Variants in RRM2 observed in about 807,000 individuals in gnomAD.
RRM2 encodes ribonucleotide reductase regulatory subunit M2.
A neutral mutation model predicts 45.9 loss-of-function variants in RRM2; 6 were observed. That is an observed-to-expected ratio of 0.13 (90% CI 0.07 to 0.26). RRM2 has a LOEUF of 0.26. Ranked by LOEUF, RRM2 falls within the 10% of genes least tolerant of loss-of-function variation. The probability of loss-of-function intolerance (pLI) is 1.00; values close to 1 mark genes in which losing one functional copy is unlikely to be tolerated. For missense variants in RRM2, 343 were observed against 489.5 expected, an observed-to-expected ratio of 0.70 and a Z score of 2.82; for synonymous variants, 177 against 173.0, an observed-to-expected ratio of 1.02 and a Z score of -0.18.
intron 3 of RRM2, among the ~76,000 whole-genome samples, chr2:10,197,987 T>C (rs887279993): frequency 6.6e-5 from 10 of 152,138 alleles, no homozygotes; most frequent in Admixed American, 6.5e-4. Flanking sequence ...TTTCCCTCCC[T>C]ACAAGCACGC....
intron 3 of RRM2, among the ~76,000 whole-genome samples, chr2:10,181,839 A>G (rs966563649): frequency 1.5e-5 from 2 of 136,414 alleles, no homozygotes; most frequent in South Asian, 4.6e-4. Context: ...ATCATGGCTC[A>G]CTGCAGCCTT....
At chr2:10,177,696 T>TCCC (rs1459466652) in intron 3 of RRM2, among the ~76,000 whole-genome samples, 4 of 149,702 alleles carry the variant, frequency 2.7e-5, no homozygotes, top group African/African-American at 7.6e-5. Context: ...CCTTCCTTCC[T>TCCC]TCCTTCCTTC....
rs1664634856 is a variant in RRM2, at chr2:10,204,878, G to A, written n.483-5433G>A. Among the ~76,000 whole-genome samples the A allele has an allele frequency of 1.3e-5, 2 of 152,170 alleles. No homozygotes were observed. Among genetic ancestry groups the A allele is most frequent in the South Asian group, 2.1e-4 (1 of 4,828 alleles). On this transcript the variant is annotated intron_variant and non_coding_transcript_variant, in intron 3 of 3. Transcript: ENST00000381786. The surrounding 1 kb of genome is among the most constrained non-coding windows in gnomAD (Gnocchi z 4.0). Reference sequence around the variant, plus strand: ...TCGTCATGTGCCACTAACAGGCGTCGCCAAGACCAGCCAGGTGCAGACCTT... The same window carrying A: ...TCGTCATGTGCCACTAACAGGCGTCACCAAGACCAGCCAGGTGCAGACCTT...
chr2:10,126,119 GCTGCACTCTAGC>G (rs1558380294), intron 5 of RRM2, among the ~76,000 whole-genome samples: 1 of 139,824 alleles, frequency 7.2e-6, no homozygotes, highest in African/African-American at 2.7e-5. Flanking sequence ...TGATCATCTC[GCTGCACTCTAGC>G]CTGGGCAACA....
rs113268856 is a variant in RRM2 at position 10,163,810 on chromosome 2, C to T, written n.482+21435C>T. ...ATTTTAATTTGAGCACCTCATTGGGCTTCCAAGTCAGAGTAGTGGAAGTGC... is the reference window on the plus strand; with the variant it reads ...ATTTTAATTTGAGCACCTCATTGGGTTTCCAAGTCAGAGTAGTGGAAGTGC... On this transcript the variant is annotated intron_variant and non_coding_transcript_variant, in intron 3 of 3. Transcript: ENST00000381786. Among the ~76,000 whole-genome samples, 1,511 of 152,346 alleles carry T rather than the reference C, an allele frequency of 9.9e-3. 33 individuals are homozygous for T. The highest frequency in any genetic ancestry group is 0.035 in the African/African-American group (1,450 of 41,584).
intron 2 of RRM2, chr2:10,142,017 C>G (rs1663094483): frequency 6.3e-7 from 1 of 1,578,644 alleles, no homozygotes; most frequent in African/African-American, 1.4e-5. Context: ...CGGGCTATGC[C>G]CCTTGCTCTT....
chr2:10,149,129 AT>A (rs771941572), intron 3 of RRM2, among the ~76,000 whole-genome samples: 3,977 of 122,374 alleles, frequency 0.032, 173 homozygotes, highest in African/African-American at 0.11. Context: ...TGCTGTATTC[AT>A]TTTTTTTTTT....
At chr2:10,190,142 G>A (rs1041484148) in intron 3 of RRM2, among the ~76,000 whole-genome samples, 1 of 150,780 alleles carries the variant, frequency 6.6e-6, no homozygotes, top group Admixed American at 6.6e-5. Context: ...TGGTGATGGT[G>A]GTGATGGTGG....
At chr2:10,139,524 G>A (rs1268586072), upstream of RRM2, among the ~76,000 whole-genome samples, 1 of 152,170 alleles carries the variant, frequency 6.6e-6, no homozygotes, top group East Asian at 1.9e-4. Flanking sequence ...CTAGAAGTGG[G>A]GGTGTCAAAG....
downstream of RRM2, among the ~76,000 whole-genome samples, chr2:10,134,418 G>A (rs1311124644): frequency 6.6e-6 from 1 of 152,170 alleles, no homozygotes; most frequent in African/African-American, 2.4e-5. Flanking sequence ...AGGGGCCCCA[G>A]TGACACGGGA....
Position 10,128,905 on chromosome 2 carries a change from G to A in RRM2, c.856G>A (p.Glu286Lys). 1 of 1,614,156 alleles carries A rather than the reference G, an allele frequency of 6.2e-7. No homozygotes were observed. The highest frequency in any genetic ancestry group is 8.5e-7 in the Non-Finnish European group (1 of 1,180,004). The change falls in exon 8 of 10, where the codon GAG becomes AAG. Residue 286 changes from glutamate to lysine, a missense_variant. Glu to Lys is a moderately conservative substitution (Grantham distance 56, BLOSUM62 1). Transcript: ENST00000304567. ...CAAACACCTGGTACACAAACCATCG[G>A]AGGAGAGAGTAAGAGAAATAATTAT... ...MFKHLVHKPS[E>K]ERVREIIINA...
At chr2:10,156,873 G>A (rs1203561795) in intron 3 of RRM2, among the ~76,000 whole-genome samples, 1 of 152,034 alleles carries the variant, frequency 6.6e-6, no homozygotes, top group African/African-American at 2.4e-5. Flanking sequence ...AACCAGGCTC[G>A]AGTGATCCTT....
At chr2:10,157,870 G>A (rs1663466661) in intron 3 of RRM2, among the ~76,000 whole-genome samples, 2 of 152,210 alleles carry the variant, frequency 1.3e-5, no homozygotes, top group Non-Finnish European at 2.9e-5. Context: ...ACGTATTTTA[G>A]TGAGAACCTT....
chr2:10,204,857 C>T lies in RRM2; in HGVS notation n.483-5454C>T, dbSNP rs1664634320. ...GTCCTGATGTGGTCAGAGATGTCGT[C>T]ATGTGCCACTAACAGGCGTCGCCAA... On this transcript the variant is annotated intron_variant and non_coding_transcript_variant, in intron 3 of 3. Transcript: ENST00000381786. This position sits in a 1 kb window ranked among gnomAD's most constrained non-coding sequence, Gnocchi z 4.0. 6.6e-6 allele frequency among the ~76,000 whole-genome samples: 1 copy of T among 152,200 alleles called. No homozygotes were observed. The highest frequency in any genetic ancestry group is 6.5e-5 in the Admixed American group (1 of 15,286).
chr2:10,173,479 C>T lies in RRM2; in HGVS notation n.482+31104C>T, dbSNP rs547665972. ...AGGGATGACCCAGTTCCAGCACCCC[C>T]GCAAACCTCCGTCTGTCCCCCTACC... On this transcript the variant is annotated intron_variant and non_coding_transcript_variant, in intron 3 of 3. Transcript: ENST00000381786. Among the ~76,000 whole-genome samples, 17 of 152,266 alleles carry T rather than the reference C, an allele frequency of 1.1e-4. 1 individual carries two copies. The highest frequency in any genetic ancestry group is 3.6e-4 in the African/African-American group (15 of 41,560).
chr2:10,161,310 C>T (rs957309379), intron 3 of RRM2, among the ~76,000 whole-genome samples: 9 of 152,178 alleles, frequency 5.9e-5, no homozygotes, highest in Admixed American at 2.0e-4. Flanking sequence ...CCACTTGTCT[C>T]GACCTCTCAA....
chr2:10,199,409 A>G (rs533908534), intron 3 of RRM2: 51 of 152,282 alleles, frequency 3.3e-4, no homozygotes, highest in African/African-American at 1.2e-3. Context: ...AACCTCAGAC[A>G]AGACTAGAAT....
upstream of RRM2, chr2:10,122,717 C>T (rs1662679568): frequency 1.3e-6 from 2 of 1,551,274 alleles, no homozygotes; most frequent in African/African-American, 1.4e-5. Context: ...GATTTAAAGG[C>T]TGCTGGAGTG....
chr2:10,202,877 C>T (rs1054097731), intron 3 of RRM2, among the ~76,000 whole-genome samples: 9 of 151,548 alleles, frequency 5.9e-5, no homozygotes, highest in East Asian at 5.8e-4. Context: ...GGATTACAGG[C>T]GAGAGGCACT....
Sources: gnomAD v4.1 joint callset for allele counts (sites outside exome capture counted in the v4.1 genomes callset) on GRCh38, gnomAD v4.1.1 for gene constraint, Gnocchi (gnomAD v3.1) non-coding constraint, MANE v1.5 for transcripts, NCBI Gene and HGNC (gene_info 2026-07-23, HGNC 2026-07-21) for gene names.